RASSF3: variants seen among roughly 807,000 people sequenced by gnomAD.
RASSF3 encodes ras association domain-containing protein 3.
RASSF3 carries 19 observed loss-of-function variants against 19.9 expected under a neutral mutation model. The ratio of observed to expected loss-of-function variants is 0.96; its 90% confidence interval spans 0.67 to 1.40. The LOEUF is 1.40. Ranked by LOEUF, RASSF3 falls within the 40% of genes most tolerant of loss-of-function variation. The pLI, the probability that RASSF3 is intolerant of heterozygous loss-of-function variation, is 0.00. For missense variants in RASSF3, 306 were observed against 289.8 expected (o/e 1.06, Z -0.41); for synonymous variants, 110 against 104.2 (o/e 1.06, Z -0.34).
At chr12:64,607,477 C>T (rs114425635), upstream of RASSF3, among the ~76,000 whole-genome samples, 508 of 152,100 alleles carry the variant, frequency 3.3e-3, 5 homozygotes, top group African/African-American at 0.012. Context: ...TCAGGTGACT[C>T]TCCTGCCTCA....
At chr12:64,647,939 C>T (rs1871799871) in intron 1 of RASSF3, among the ~76,000 whole-genome samples, 1 of 152,118 alleles carries the variant, frequency 6.6e-6, no homozygotes, top group Non-Finnish European at 1.5e-5. Context: ...GTATAGCACC[C>T]AAGATTAGAA....
chr12:64,601,797 A>G (rs1870095356), intron 2 of RASSF3, among the ~76,000 whole-genome samples: 1 of 152,036 alleles, frequency 6.6e-6, no homozygotes, highest in Non-Finnish European at 1.5e-5. Context: ...TGGGCAAGAG[A>G]GCAAGACTCT....
chr12:64,588,886 A>G (rs1011192624), intron 2 of RASSF3, among the ~76,000 whole-genome samples: 7 of 152,082 alleles, frequency 4.6e-5, no homozygotes, highest in African/African-American at 1.7e-4. Flanking sequence ...ACACATAAAG[A>G]CCCTCTTTAT....
chr12:64,664,365 T>C (rs563532604), intron 1 of RASSF3, among the ~76,000 whole-genome samples: 4 of 152,342 alleles, frequency 2.6e-5, no homozygotes, highest in Non-Finnish European at 4.4e-5. Flanking sequence ...TAAATACTTC[T>C]AGGTTAGTGA....
chr12:64,640,832 G>C (rs1468900046), intron 1 of RASSF3, among the ~76,000 whole-genome samples: 1 of 151,770 alleles, frequency 6.6e-6, no homozygotes, highest in Non-Finnish European at 1.5e-5. Flanking sequence ...GTAGAGACAG[G>C]GTCCTCACTA....
rs777780609 is a variant in RASSF3, at chr12:64,688,349, C to T, written c.353C>T (p.Thr118Ile). 6.2e-7 allele frequency: 1 copy of T among 1,614,234 alleles called. No individual in the cohort carries two copies. Among genetic ancestry groups the T allele is most frequent in the South Asian group, 1.1e-5 (1 of 91,092 alleles). The change falls in exon 3 of 5, where the codon ACA becomes ATA. Residue 118 changes from threonine to isoleucine, a missense_variant. By Grantham distance (89) the Thr-to-Ile change is moderately conservative. Coordinates refer to ENST00000542104, the MANE Select transcript of RASSF3 (RefSeq NM_178169.4). ...GCMNTLHISS[T>I]NTVGEVIEAL... ...ATGAATACACTTCATATCAGCAGCA[C>T]AAACACTGTCGGGGAAGTGATCGAG...
At chr12:64,631,536 AATGT>A (rs10532504) in intron 1 of RASSF3, among the ~76,000 whole-genome samples, 73,792 of 146,238 alleles carry the variant, frequency 0.5, 18,754 homozygotes, top group Admixed American at 0.59. Context: ...CATCGTATGT[AATGT>A]ATGTATGTAT....
intron 2 of RASSF3, among the ~76,000 whole-genome samples, chr12:64,585,592 A>T (rs941267707): frequency 2.1e-5 from 3 of 143,602 alleles, no homozygotes; most frequent in Non-Finnish European, 4.5e-5. Flanking sequence ...GCATTTTGCT[A>T]GGCAAGTCCT....
intron 1 of RASSF3, among the ~76,000 whole-genome samples, chr12:64,670,470 AG>A (rs1872664552): frequency 6.6e-6 from 1 of 151,674 alleles, no homozygotes; most frequent in Non-Finnish European, 1.5e-5. Context: ...AGAGAAACAA[AG>A]TGGGGGCCCA....
intron 1 of RASSF3, among the ~76,000 whole-genome samples, chr12:64,641,423 C>T (rs1051181080): frequency 6.6e-6 from 1 of 151,954 alleles, no homozygotes; most frequent in Non-Finnish European, 1.5e-5. Flanking sequence ...CACGCGCGCG[C>T]GCGCGTTGAA....
At chr12:64,649,416 T>A (rs1276432961) in intron 1 of RASSF3, among the ~76,000 whole-genome samples, 1 of 152,040 alleles carries the variant, frequency 6.6e-6, no homozygotes, top group Admixed American at 6.6e-5. Flanking sequence ...ATGGTCTCAA[T>A]CTCCTGACCT....
At chr12:64,566,704 G>A (rs991991650) in intron 2 of RASSF3, among the ~76,000 whole-genome samples, 3 of 152,066 alleles carry the variant, frequency 2.0e-5, no homozygotes, top group Non-Finnish European at 2.9e-5. Flanking sequence ...AGCTAGAGAC[G>A]AAGCAACCAC....
intron 2 of RASSF3, among the ~76,000 whole-genome samples, chr12:64,578,826 C>G (rs1369221296): frequency 6.6e-6 from 1 of 152,176 alleles, no homozygotes; most frequent in African/African-American, 2.4e-5. Flanking sequence ...CGTCAGCCAG[C>G]TTGCAATTCA....
chr12:64,554,183 G>A (rs1159551028), intron 2 of RASSF3, among the ~76,000 whole-genome samples: 2 of 152,284 alleles, frequency 1.3e-5, no homozygotes, highest in Admixed American at 1.3e-4. Context: ...CTCATAAAAT[G>A]TGACGAAAGC....
chr12:64,517,822 T>C (rs1868394566), intron 1 of RASSF3, among the ~76,000 whole-genome samples: 1 of 152,086 alleles, frequency 6.6e-6, no homozygotes, highest in Non-Finnish European at 1.5e-5. Flanking sequence ...TCTCACTATG[T>C]TGCCCAGGCT....
intron 1 of RASSF3, among the ~76,000 whole-genome samples, chr12:64,635,254 G>A (rs965250286): frequency 2.6e-5 from 4 of 151,896 alleles, no homozygotes; most frequent in African/African-American, 9.7e-5. Flanking sequence ...ATGCCTGGCC[G>A]TAGTTTTTTC....
At chr12:64,516,116 G>C (rs951500380) in intron 1 of RASSF3, among the ~76,000 whole-genome samples, 1 of 151,970 alleles carries the variant, frequency 6.6e-6, no homozygotes, top group African/African-American at 2.4e-5. Flanking sequence ...TTTAATCTTA[G>C]TAAATAGAAA....
intron 1 of RASSF3, among the ~76,000 whole-genome samples, chr12:64,521,214 T>C (rs532173665): frequency 6.6e-6 from 1 of 152,288 alleles, no homozygotes; most frequent in South Asian, 2.1e-4. Flanking sequence ...AGCCCTTCCC[T>C]GTAGTGATGT....
At chr12:64,638,414 A>G (rs1388829951) in intron 1 of RASSF3, among the ~76,000 whole-genome samples, 1 of 151,932 alleles carries the variant, frequency 6.6e-6, no homozygotes, top group Admixed American at 6.6e-5. Context: ...CCCTGTCTCT[A>G]CTAAAAATAC....
Sources: gnomAD v4.1 joint callset for allele counts (sites outside exome capture counted in the v4.1 genomes callset) on GRCh38, gnomAD v4.1.1 for gene constraint, MANE v1.5 for transcripts, NCBI Gene and HGNC (gene_info 2026-07-23, HGNC 2026-07-21) for gene names.